Variants in EVI5 observed in about 807,000 individuals in gnomAD.
EVI5 encodes ecotropic viral integration site 5.
EVI5 carries 73 observed loss-of-function variants against 112.0 expected under a neutral mutation model. The ratio of observed to expected loss-of-function variants is 0.65; its 90% CI spans 0.54 to 0.79. The LOEUF (loss-of-function observed/expected upper bound fraction) is 0.79. Ranked by LOEUF, EVI5 falls within the 30% of genes least tolerant of loss-of-function variation. The pLI is 0.00. For missense variants in EVI5, 900 were observed against 968.8 expected (o/e 0.93, Z 0.94); for synonymous variants, 305 against 319.9 (o/e 0.95, Z 0.50).
chr1:92,718,340 G>A (rs909344185), intron 2 of EVI5, among the ~76,000 whole-genome samples: 6 of 151,908 alleles, frequency 3.9e-5, no homozygotes, highest in African/African-American at 1.5e-4. Flanking sequence ...CACAACAAAC[G>A]GTCTCTCAGA....
upstream of EVI5, among the ~76,000 whole-genome samples, chr1:92,787,846 T>C (rs1271827718): frequency 1.3e-5 from 2 of 152,230 alleles, no homozygotes; most frequent in African/African-American, 4.8e-5. Flanking sequence ...AATTGTACCT[T>C]TTTTATCTTA....
chr1:92,712,715 T>C (rs1244704398), intron 2 of EVI5, among the ~76,000 whole-genome samples: 1 of 151,960 alleles, frequency 6.6e-6, no homozygotes, highest in African/African-American at 2.4e-5. Context: ...GACTTGAAAA[T>C]ATCTATTTTG....
chr1:92,736,344 T>C, intron 2 of EVI5, 54 bp downstream of exon 2: 1 of 1,191,406 alleles, frequency 8.4e-7, no homozygotes, highest in Non-Finnish European at 1.2e-6. Context: ...TAAGTAAATA[T>C]GAATGGCTGG....
intron 16 of EVI5, among the ~76,000 whole-genome samples, chr1:92,610,214 G>A (rs1474015289): frequency 6.6e-6 from 1 of 152,112 alleles, no homozygotes; most frequent in Non-Finnish European, 1.5e-5. Flanking sequence ...CAACAAATAA[G>A]TCTGTCTACA....
intron 18 of EVI5, among the ~76,000 whole-genome samples, chr1:92,603,684 T>A (rs895086461): frequency 9.9e-5 from 15 of 151,566 alleles, no homozygotes; most frequent in African/African-American, 2.6e-4. Flanking sequence ...AAATTTTTTT[T>A]ATATCTTTAT....
At chr1:92,735,533 T>C (rs779659014) in intron 2 of EVI5, among the ~76,000 whole-genome samples, 25 of 149,886 alleles carry the variant, frequency 1.7e-4, no homozygotes, top group Non-Finnish European at 3.1e-4. Context: ...TTTAAGCCAG[T>C]AGCATTATAT....
chr1:92,561,853 G>A (rs367752600), intron 19 of EVI5, among the ~76,000 whole-genome samples: 14 of 152,146 alleles, frequency 9.2e-5, no homozygotes, highest in East Asian at 7.8e-4. Context: ...GGATGGGCTG[G>A]TCTCAAACTC....
intron 13 of EVI5, among the ~76,000 whole-genome samples, chr1:92,659,351 A>G (rs939936195): frequency 1.3e-5 from 2 of 152,190 alleles, no homozygotes; most frequent in African/African-American, 2.4e-5. Context: ...CAAACTACAC[A>G]TAAGACAAAA....
intron 10 of EVI5, among the ~76,000 whole-genome samples, chr1:92,666,628 G>T (rs1664955172): frequency 8.1e-6 from 1 of 123,976 alleles, no homozygotes; most frequent in Non-Finnish European, 1.7e-5. Flanking sequence ...GTTGGGAGGG[G>T]AGGGAAGGGG....
rs1358515010 is a variant in EVI5 at position 92,687,025 on chromosome 1, A to G, written c.1097+6777T>C. On this transcript the variant is annotated intron_variant, in intron 9 of 19. Transcript: ENST00000684568. ...AGCTACCACTGGTTTTCTTCACAGA[A>G]TTAGAAAAAACTACTTTAAAGTTCA... 4.6e-5 allele frequency among the ~76,000 whole-genome samples: 7 copies of G among 152,346 alleles called. No homozygotes were observed. The East Asian group carries it at 1.2e-3, about 25-fold the overall frequency.
At chr1:92,551,602 A>T (rs6603985) in intron 19 of EVI5, among the ~76,000 whole-genome samples, 129,496 of 152,054 alleles carry the variant, frequency 0.85, 55,521 homozygotes, top group East Asian at 0.97. Context: ...ATAAATATGC[A>T]TAATACTACA....
intron 1 of EVI5, among the ~76,000 whole-genome samples, chr1:92,781,806 T>A (rs1051566063): frequency 6.6e-6 from 1 of 151,754 alleles, no homozygotes; most frequent in Non-Finnish European, 1.5e-5. Context: ...GATACAAAAA[T>A]TAGCTGGGCA....
intron 2 of EVI5, among the ~76,000 whole-genome samples, chr1:92,726,722 A>C (rs1675623325): frequency 6.6e-6 from 1 of 152,178 alleles, no homozygotes; most frequent in South Asian, 2.1e-4. Flanking sequence ...TTAAAAAATA[A>C]TGTAGTGTAG....
chr1:92,549,865 A>C (rs1404994914), intron 19 of EVI5, among the ~76,000 whole-genome samples: 1 of 152,190 alleles, frequency 6.6e-6, no homozygotes, highest in Non-Finnish European at 1.5e-5. Flanking sequence ...GCTGGAGAGG[A>C]TGTGGAGAAA....
chr1:92,587,183 TAATG>T (rs1672942747), intron 18 of EVI5, among the ~76,000 whole-genome samples: 1 of 152,158 alleles, frequency 6.6e-6, no homozygotes, highest in Admixed American at 6.5e-5. Context: ...TCGCAATCCC[TAATG>T]ACTAGATAGC....
chr1:92,703,347 C>T lies in EVI5; in HGVS notation c.564+48G>A, dbSNP rs1444262359. Reference sequence around the variant, plus strand: ...CATCATGAAAAATGTATAATTTCAACCTTCCAGGAATTCATTTCATTTCAA... The same window carrying T: ...CATCATGAAAAATGTATAATTTCAATCTTCCAGGAATTCATTTCATTTCAA... On this transcript the variant is annotated intron_variant, in intron 4 of 19. Transcript: ENST00000684568. The T allele has an allele frequency of 2.7e-6, 3 of 1,124,558 alleles. No individual in the cohort carries two copies. The African/African-American group carries it at 4.8e-5, about 18-fold the overall frequency. 69.7% of individuals were successfully genotyped at this position (1,124,558 alleles called of 1,614,324 possible). A position where few individuals can be genotyped will look rare whatever the true frequency, so the allele number is the denominator to read the frequency against.
intron 14 of EVI5, among the ~76,000 whole-genome samples, chr1:92,630,940 G>T (rs1200690339): frequency 2.6e-5 from 4 of 152,244 alleles, no homozygotes; most frequent in Admixed American, 2.0e-4. Flanking sequence ...TTTCCCCATT[G>T]CTTGTTTTTC....
At chr1:92,694,471 A>C in intron 7 of EVI5, 83 bp from the exon 8 acceptor site, 2 of 776,518 alleles carry the variant, frequency 2.6e-6, no homozygotes, top group Non-Finnish European at 4.3e-6. Flanking sequence ...TACTAAGGTA[A>C]ACATTTAGGG....
At chr1:92,546,615 G>C (rs1402708905) in intron 19 of EVI5, among the ~76,000 whole-genome samples, 1 of 152,122 alleles carries the variant, frequency 6.6e-6, no homozygotes, top group Non-Finnish European at 1.5e-5. Flanking sequence ...AGAATTGCTT[G>C]AATCCGGGAG....
Sources: allele counts gnomAD v4.1 joint callset (sites outside exome capture counted in the v4.1 genomes callset), GRCh38; gene constraint gnomAD v4.1.1; transcripts MANE v1.5; gene names NCBI Gene and HGNC (gene_info 2026-07-23, HGNC 2026-07-21).